Variants in SLC25A29 observed in about 807,000 individuals in gnomAD.
SLC25A29 encodes the protein mitochondrial basic amino acids transporter.
Under a neutral mutation model 10.0 loss-of-function variants are expected in SLC25A29, and 13 were observed. The ratio of observed to expected loss-of-function variants is 1.30; its 90% CI spans 0.85 to 2.07. The LOEUF (loss-of-function observed/expected upper bound fraction) is 2.07. Among genes scored for constraint, SLC25A29 ranks in the 30% most tolerant of loss-of-function variants. SLC25A29 has a pLI of 0.00. For missense variants in SLC25A29, 475 were observed against 447.6 expected (o/e 1.06, Z -0.55); for synonymous variants, 244 against 221.1 (o/e 1.10, Z -0.92).
chr14:100,295,536 C>A, intron 2 of SLC25A29: 1 of 1,242,610 alleles, frequency 8.0e-7, no homozygotes, highest in Admixed American at 2.4e-5. Flanking sequence ...CCTCCCTGTC[C>A]CCTGCTACGG....
At chr14:100,305,943 A>G (rs1217328692) in intron 1 of SLC25A29, 1 of 378,970 alleles carries the variant, frequency 2.6e-6, no homozygotes, top group African/African-American at 2.1e-5. Flanking sequence ...CCGCTCAGCC[A>G]CGGTGCTGCC....
the SLC25A29 span, among the ~76,000 whole-genome samples, chr14:100,285,819 C>T: frequency 3.6e-4 from 55 of 152,228 alleles, no homozygotes; most frequent in African/African-American, 1.2e-3. Context: ...CCCCCCCTTC[C>T]CCCCGGTGGA....
At chr14:100,306,167 C>CCCCGGCCCGG in intron 1 of SLC25A29, 32 bp downstream of exon 1, 1 of 1,443,814 alleles carries the variant, frequency 6.9e-7, no homozygotes, top group Admixed American at 2.7e-5. Flanking sequence ...GGACGCCTCG[C>CCCCGGCCCGG]CCCGGCCCGG....
At chr14:100,290,917 G>A (rs919168528), downstream of SLC25A29, among the ~76,000 whole-genome samples, 4 of 152,238 alleles carry the variant, frequency 2.6e-5, no homozygotes, top group East Asian at 1.9e-4. Context: ...CTGCACCAGC[G>A]TGTTCACGCC....
chr14:100,303,450 C>T (rs770292927), intron 1 of SLC25A29, among the ~76,000 whole-genome samples: 3 of 152,250 alleles, frequency 2.0e-5, no homozygotes, highest in African/African-American at 4.8e-5. Context: ...AAGACCCTTA[C>T]GCCACTTGCC....
At position 100,293,291 on chromosome 14, in the gene SLC25A29, C is replaced by G. The variant is rs780982641; in HGVS notation, c.162+3G>C. 3.1e-6 allele frequency: 5 copies of G among 1,613,048 alleles called. No individual in the cohort carries two copies. In the East Asian group the frequency reaches 8.9e-5, roughly 29 times the overall value. Reference sequence around the variant, plus strand: ...CCGAGCCCCACCAGCCCAGGCCACTCACGCTCTCTTGCTTGATGATGGACT... The same window carrying G: ...CCGAGCCCCACCAGCCCAGGCCACTGACGCTCTCTTGCTTGATGATGGACT... On this transcript the variant is annotated splice_donor_region_variant and intron_variant, in intron 3 of 3. Coordinates refer to ENST00000359232, the MANE Select transcript of SLC25A29 (RefSeq NM_001039355.3).
rs765370572 is a variant in SLC25A29 at position 100,292,890 on chromosome 14, G to C, written c.305C>G (p.Ala102Gly). 1.4e-5 allele frequency: 22 copies of C among 1,604,150 alleles called. No homozygotes were observed. The highest frequency in any genetic ancestry group is 2.2e-5 in the East Asian group (1 of 44,524). The change falls in exon 4 of 4, where the codon GCG becomes GGG. Residue 102 changes from alanine to glycine, a missense_variant. Physicochemically the swap from Ala to Gly is moderately conservative, Grantham distance 60. Transcript: ENST00000359232. ...PLNQFLAGAA[A>G]GAIQCVICCP... The stretch of plus-strand genomic sequence containing the variant: ...GCAGATGACGCACTGGATGGCGCCC[G>C]CCGCCGCACCTGCCAGGAACTGGTT...
intron 2 of SLC25A29, chr14:100,296,119 G>A: frequency 1.0e-6 from 1 of 983,324 alleles, no homozygotes; most frequent in Admixed American, 3.0e-5. Flanking sequence ...ATTCAACCAG[G>A]CAAAAGGGAC....
At chr14:100,304,191 A>T (rs540156398) in intron 1 of SLC25A29, among the ~76,000 whole-genome samples, 1 of 152,282 alleles carries the variant, frequency 6.6e-6, no homozygotes, top group South Asian at 2.1e-4. Flanking sequence ...CACCCCAAGA[A>T]GGAGCCAGGC....
At chr14:100,296,036 G>C (rs2139713467) in intron 2 of SLC25A29, 1 of 1,285,024 alleles carries the variant, frequency 7.8e-7, no homozygotes, top group East Asian at 5.6e-5. Context: ...GAGATAGTCT[G>C]TGGCCATGTG....
Position 100,296,003 on chromosome 14 carries a change from T to A in SLC25A29, c.79-2626A>T, listed in dbSNP as rs1205281178. The A allele has an allele frequency of 2.3e-6, 3 of 1,289,074 alleles. No homozygotes were observed. In the African/African-American group the frequency reaches 4.6e-5, roughly 20 times the overall value. The allele number at this position is 1,289,074 out of a possible 1,614,324, so 79.9% of individuals were successfully genotyped here. ...TTTCAGTCCCAAGGGCCTGGGGGAA[T>A]AAACTGTGACTGTCCCAGCCATGAG... On this transcript the variant is annotated intron_variant, in intron 2 of 3. Transcript: ENST00000359232.
chr14:100,291,516 G>A lies in SLC25A29; in HGVS notation c.*767C>T, dbSNP rs1891691276. The stretch of plus-strand genomic sequence containing the variant: ...CAGCTGGCCATGTCCCCATTTTATG[G>A]ACAGGCAGCCTGAGGCCCAGAGGCG... On this transcript the variant is annotated 3_prime_UTR_variant, in exon 4 of 4. Transcript: ENST00000359232. The A allele has an allele frequency of 6.6e-6, 1 of 152,490 alleles. No homozygotes were observed. Among genetic ancestry groups the A allele is most frequent in the Non-Finnish European group, 1.5e-5 (1 of 68,286 alleles). The allele number at this position is 152,490 out of a possible 1,614,324, so 9.4% of individuals were successfully genotyped here. A position where few individuals can be genotyped will look rare whatever the true frequency, so the allele number is the denominator to read the frequency against.
At chr14:100,301,519 CTTTTTA>C (rs1193439766) in intron 1 of SLC25A29, among the ~76,000 whole-genome samples, 2 of 151,780 alleles carry the variant, frequency 1.3e-5, no homozygotes, top group African/African-American at 4.8e-5. Context: ...TTACTTCCTG[CTTTTTA>C]TTTTTATTTA....
At position 100,292,991 on chromosome 14, in the gene SLC25A29, C is replaced by T; in HGVS notation, c.204G>A (p.Gly68=). The T allele has an allele frequency of 1.9e-6, 3 of 1,588,808 alleles. No homozygotes were observed. The highest frequency in any genetic ancestry group is 1.7e-6 in the Non-Finnish European group (2 of 1,168,250). The part of the protein sequence containing the change: ...LYKGLGSPLM[G]LTFINALVFG... ...ACACCAGCGCGTTGATGAAGGTGAGCCCCATGAGCGGCGAGCCCAGGCCCT... is the reference window on the plus strand; with the variant it reads ...ACACCAGCGCGTTGATGAAGGTGAGTCCCATGAGCGGCGAGCCCAGGCCCT... The change falls in exon 4 of 4, where the codon GGG becomes GGA. Residue 68 remains glycine, a synonymous_variant. Transcript: ENST00000359232.
intron 1 of SLC25A29, among the ~76,000 whole-genome samples, chr14:100,302,775 G>GTT (rs56953966): frequency 1.4e-5 from 2 of 145,496 alleles, no homozygotes; most frequent in Non-Finnish European, 3.0e-5. Context: ...TGCTGCCAAT[G>GTT]TTTTTTTTTT....
intron 1 of SLC25A29, among the ~76,000 whole-genome samples, chr14:100,302,433 C>T (rs1892627210): frequency 6.6e-6 from 1 of 150,868 alleles, no homozygotes; most frequent in African/African-American, 2.4e-5. Flanking sequence ...GATCTCGGCT[C>T]ACTGCAACCT....
At chr14:100,304,583 C>T (rs1196484912) in intron 1 of SLC25A29, among the ~76,000 whole-genome samples, 1 of 151,774 alleles carries the variant, frequency 6.6e-6, no homozygotes, top group Non-Finnish European at 1.5e-5. Context: ...AGGGGGGTGG[C>T]CTGTGCCCCA....
chr14:100,306,296 G>A lies in SLC25A29; in HGVS notation c.-64C>T, dbSNP rs1892950468. 3.8e-6 allele frequency: 5 copies of A among 1,316,518 alleles called. No individual in the cohort carries two copies. The highest frequency in any genetic ancestry group is 3.7e-5 in the Admixed American group (1 of 27,268). 81.6% of individuals were successfully genotyped at this position (1,316,518 alleles called of 1,614,324 possible). ...TCCCCCTGAGGCCCCTCGCCGGGCT[G>A]GGCGCCGTCGGGGTCCCCGAGCGCG... On this transcript the variant is annotated 5_prime_UTR_variant, in exon 1 of 4. Transcript: ENST00000359232.
chr14:100,306,267 G>A lies in SLC25A29; in HGVS notation c.-35C>T. On this transcript the variant is annotated 5_prime_UTR_variant, in exon 1 of 4. The change creates a new upstream start codon in the 5' untranslated region. Transcript: ENST00000359232. Reference sequence around the variant, plus strand: ...CCCGGCGAGGCCGCCTTTCCTCCTCGTCCTCCCCCTGAGGCCCCTCGCCGG... The same window carrying A: ...CCCGGCGAGGCCGCCTTTCCTCCTCATCCTCCCCCTGAGGCCCCTCGCCGG... 1 of 1,446,916 alleles carries A rather than the reference G, an allele frequency of 6.9e-7. No homozygotes were observed. The highest frequency in any genetic ancestry group is 9.1e-7 in the Non-Finnish European group (1 of 1,103,516). The allele number at this position is 1,446,916 out of a possible 1,614,324, so 89.6% of individuals were successfully genotyped here. A position where few individuals can be genotyped will look rare whatever the true frequency, so the allele number is the denominator to read the frequency against.
Sources: allele counts gnomAD v4.1 joint callset (sites outside exome capture counted in the v4.1 genomes callset), GRCh38; gene constraint gnomAD v4.1.1; transcripts MANE v1.5; gene names NCBI Gene and HGNC (gene_info 2026-07-23, HGNC 2026-07-21).